The following PRDM1 variants were observed in gnomAD, a reference collection of about 807,000 sequenced individuals.
PRDM1 encodes the protein PR domain zinc finger protein 1.
A neutral mutation model predicts 62.8 loss-of-function variants in PRDM1; 13 were observed. The observed-to-expected ratio is 0.21, with a 90% CI of 0.13 to 0.33. The LOEUF is 0.33. PRDM1 is among the 10% of genes least tolerant of loss of function. The pLI, the probability that PRDM1 is intolerant of heterozygous loss-of-function variation, is 1.00. For synonymous variants in PRDM1, 396 were observed against 417.6 expected (o/e 0.95, Z 0.63); for missense variants, 895 against 1,058.8 (o/e 0.85, Z 2.15).
intron 1 of PRDM1, among the ~76,000 whole-genome samples, chr6:106,010,826 C>T (rs190034351): frequency 1.8e-4 from 28 of 152,254 alleles, no homozygotes; most frequent in African/African-American, 5.5e-4. Context: ...GCGATGACCT[C>T]GAGCCTTTCC....
chr6:106,063,766 AG>A (rs1294237318), intron 1 of PRDM1, among the ~76,000 whole-genome samples: 1 of 152,202 alleles, frequency 6.6e-6, no homozygotes, highest in African/African-American at 2.4e-5. Flanking sequence ...AAATGTGTCA[AG>A]AAGCTTTTGC....
intron 1 of PRDM1, among the ~76,000 whole-genome samples, chr6:106,068,116 AG>A (rs911334286): frequency 1.3e-5 from 2 of 149,446 alleles, no homozygotes; most frequent in African/African-American, 4.9e-5. Context: ...TTTGAGATGG[AG>A]TTTTGCTCTT....
rs1272081363 is a variant in PRDM1, at chr6:106,109,205, A to G, written c.*1719A>G. ...ACCCTTGCCTACTGTAAGAGACCCT[A>G]AAACCTTGGTGCAGTGGTGGGGACC... On this transcript the variant is annotated 3_prime_UTR_variant, in exon 7 of 7. Transcript: ENST00000369096. 2.6e-5 allele frequency: 6 copies of G among 228,800 alleles called. No individual in the cohort carries two copies. The highest frequency in any genetic ancestry group is 5.2e-5 in the Non-Finnish European group (6 of 114,992). 14.2% of individuals were successfully genotyped at this position (228,800 alleles called of 1,614,324 possible). A position where few individuals can be genotyped will look rare whatever the true frequency, so the allele number is the denominator to read the frequency against.
At chr6:105,995,723 T>G (rs1403963828) in intron 1 of PRDM1, among the ~76,000 whole-genome samples, 1 of 145,684 alleles carries the variant, frequency 6.9e-6, no homozygotes, top group African/African-American at 2.5e-5. Flanking sequence ...TGAATGAAAG[T>G]TTTTTTTTTT....
intron 1 of PRDM1, among the ~76,000 whole-genome samples, chr6:106,012,937 G>A (rs555618152): frequency 1.3e-5 from 2 of 152,156 alleles, no homozygotes; most frequent in Admixed American, 6.5e-5. Flanking sequence ...TGTGTGAGAC[G>A]GTCTCATTCT....
intron 1 of PRDM1, among the ~76,000 whole-genome samples, chr6:106,004,710 T>A (rs1772464033): frequency 6.6e-6 from 1 of 152,212 alleles, no homozygotes; most frequent in Non-Finnish European, 1.5e-5. Flanking sequence ...TGACACATGC[T>A]GTTATGAATA....
At chr6:106,030,421 C>T (rs1031442268) in intron 1 of PRDM1, among the ~76,000 whole-genome samples, 6 of 152,048 alleles carry the variant, frequency 3.9e-5, no homozygotes, top group African/African-American at 1.4e-4. Flanking sequence ...AATCCTCCCA[C>T]CATGGCCTCC....
chr6:106,088,162 G>A (rs562941950), intron 1 of PRDM1, 39 bp from the exon 2 acceptor site: 7 of 1,548,596 alleles, frequency 4.5e-6, no homozygotes, highest in Admixed American at 2.0e-5. Flanking sequence ...CAGGAACGGC[G>A]GGACAATGGG....
intron 3 of PRDM1, chr6:106,098,535 C>A: frequency 7.9e-7 from 1 of 1,264,236 alleles, no homozygotes. Flanking sequence ...TTTAGCCAGC[C>A]TCCTCCCAGA....
chr6:105,998,909 ATATATATATATATATATATATATAT>A lies in PRDM1; in HGVS notation c.-67+5272_-67+5296del, dbSNP rs1410729644. Among the ~76,000 whole-genome samples the A allele has an allele frequency of 4.5e-3, 268 of 59,676 alleles. 4 individuals carry two copies. The highest frequency in any genetic ancestry group is 0.025 in the Admixed American group (180 of 7,156). 39.1% of individuals were successfully genotyped at this position (59,676 alleles called of 152,430 possible). A position where few individuals can be genotyped will look rare whatever the true frequency, so the allele number is the denominator to read the frequency against. Reference sequence around the variant, plus strand: ...TTAATACATATATATATATATATATATATATATATATATATATATATATATTTTTTTTTTTTTTTTTCTTTTGAGA... The same window carrying A: ...TTAATACATATATATATATATATATATTTTTTTTTTTTTTTTCTTTTGAGA... On this transcript the variant is annotated intron_variant, in intron 1 of 6. Coordinates refer to the PRDM1 transcript ENST00000652320.
At position 106,099,411 on chromosome 6, in the gene PRDM1, G is replaced by A. The variant is rs2114638522; in HGVS notation, c.523G>A (p.Ala175Thr). ...AHSPREQNLA[A>T]CQNGMNIYFY... is the part of the protein sequence containing the mutation. ...CTCTCCCCGGGAGCAAAACCTGGCT[G>A]CGTGTCAGAACGGGATGAACATCTA... Residue 175 changes from alanine (A) to threonine (T), a missense_variant, in exon 4 of 7, where the codon GCG (alanine) becomes ACG (threonine). Physicochemically the swap from Ala to Thr is moderately conservative, Grantham distance 58. Transcript: ENST00000369096. 1 of 1,614,228 alleles carries A rather than the reference G, an allele frequency of 6.2e-7. No homozygotes were observed. The highest frequency in any genetic ancestry group is 8.5e-7 in the Non-Finnish European group (1 of 1,180,048).
rs1774422859 is a variant in PRDM1, at chr6:106,105,171, C to G, written c.1011C>G (p.Pro337=). The change falls in exon 5 of 7, where the codon CCC becomes CCG. Residue 337 remains proline (P), a synonymous_variant. Coordinates refer to ENST00000369096, the MANE Select transcript of PRDM1 (RefSeq NM_001198.4). ...TTCCATCCTCCACCACTCCAAGCCC[C>G]TCTGCAAGAAGCAGCCCCGACCAAA... ...SPIPSSTTPS[P]SARSSPDQSL... 6.2e-7 allele frequency: 1 copy of G among 1,613,348 alleles called. No homozygotes were observed. Among genetic ancestry groups the G allele is most frequent in the Middle Eastern group, 1.7e-4 (1 of 6,060 alleles).
intron 1 of PRDM1, among the ~76,000 whole-genome samples, chr6:106,032,263 A>G (rs1772854408): frequency 6.6e-6 from 1 of 152,042 alleles, no homozygotes; most frequent in South Asian, 2.1e-4. Context: ...GGCTTAAGCA[A>G]TCCTCCTGCC....
intron 2 of PRDM1, among the ~76,000 whole-genome samples, chr6:106,088,720 G>A (rs888260128): frequency 6.6e-6 from 1 of 152,174 alleles, no homozygotes; most frequent in Non-Finnish European, 1.5e-5. Flanking sequence ...TGCAGCATAG[G>A]GTGGGTGAAA....
chr6:106,082,973 C>T (rs17558727), upstream of PRDM1, among the ~76,000 whole-genome samples: 5,384 of 152,132 alleles, frequency 0.035, 143 homozygotes, highest in East Asian at 0.095. Context: ...CACACATACT[C>T]GCTCTTCTTG....
upstream of PRDM1, among the ~76,000 whole-genome samples, chr6:106,044,479 G>A (rs1773045351): frequency 6.6e-6 from 1 of 152,058 alleles, no homozygotes; most frequent in Non-Finnish European, 1.5e-5. Context: ...TTGAACCCAG[G>A]GCAAACATTT....
intron 1 of PRDM1, among the ~76,000 whole-genome samples, chr6:106,058,518 A>AT (rs1773297068): frequency 1.3e-5 from 2 of 152,232 alleles, no homozygotes; most frequent in South Asian, 4.1e-4. Flanking sequence ...AAGACAATTG[A>AT]TTCTGGCCTC....
At chr6:106,064,356 C>T (rs371389496) in intron 1 of PRDM1, among the ~76,000 whole-genome samples, 1 of 152,236 alleles carries the variant, frequency 6.6e-6, no homozygotes, top group African/African-American at 2.4e-5. Context: ...TCACAGTGAT[C>T]ACTCAGGATC....
chr6:106,077,044 G>A (rs1197623615), intron 1 of PRDM1, among the ~76,000 whole-genome samples: 1 of 152,206 alleles, frequency 6.6e-6, no homozygotes, highest in Non-Finnish European at 1.5e-5. Context: ...TTCAAATGCT[G>A]TTGTCAGAGG....
Sources: gnomAD v4.1 joint callset for allele counts (sites outside exome capture counted in the v4.1 genomes callset) on GRCh38, gnomAD v4.1.1 for gene constraint, MANE v1.5 for transcripts, NCBI Gene and HGNC (gene_info 2026-07-23, HGNC 2026-07-21) for gene names.